NUP153: variants seen among roughly 807,000 people sequenced by gnomAD.
NUP153 encodes nuclear pore complex protein Nup153.
NUP153 carries 27 observed loss-of-function variants against 134.6 expected under a neutral mutation model. That is an observed-to-expected ratio of 0.20 (90% CI 0.15 to 0.28). The LOEUF is 0.28. Among genes scored for constraint, NUP153 ranks in the 10% least tolerant of loss-of-function variants. The probability of loss-of-function intolerance (pLI) is 1.00; values close to 1 mark genes in which losing one functional copy is unlikely to be tolerated. For missense variants in NUP153, 1,821 were observed against 1,731.3 expected (o/e 1.05, Z -0.92); for synonymous variants, 640 against 623.5 (o/e 1.03, Z -0.40).
At position 17,665,656 on chromosome 6, in the gene NUP153, A is replaced by C. The variant is rs4142295; in HGVS notation, c.1069-271T>G. On this transcript the variant is annotated intron_variant, in intron 8 of 21. Transcript: ENST00000262077. ...TTCCAGACTTAATGACTTTTCACAC[A>C]CATGCATGCATACAAAATGGAACTA... 1.1e-4 allele frequency among the ~76,000 whole-genome samples: 16 copies of C among 151,804 alleles called. No individual in the cohort carries two copies. In the South Asian group the frequency reaches 3.3e-3, roughly 32 times the overall value.
In NUP153 at chr6:17,688,551, T is replaced by C. The variant is rs1197280805; in HGVS notation, c.179A>G (p.Asn60Ser). Residue 60 changes from asparagine (N) to serine (S), a missense_variant, in exon 2 of 22, where the codon AAC becomes AGC. Physicochemically the swap from Asn to Ser is conservative, Grantham distance 46. Coordinates refer to ENST00000262077, the MANE Select transcript of NUP153 (RefSeq NM_005124.4). ...ACAGCTGCATACATCTTCATTCTTG[T>C]TGAAGTATCTTTGTAGCCACCCTGG... Reference protein sequence around the residue: ...IVPGWLQRYFNKNEDVCSCST... With the variant: ...IVPGWLQRYFSKNEDVCSCST... 9.9e-6 allele frequency: 16 copies of C among 1,614,044 alleles called. No individual in the cohort carries two copies. The highest frequency in any genetic ancestry group is 8.0e-5 in the African/African-American group (6 of 74,946).
chr6:17,674,790 A>G (rs1253538572), intron 5 of NUP153, 115 bp downstream of exon 5: 26 of 945,670 alleles, frequency 2.7e-5, no homozygotes, highest in Non-Finnish European at 3.8e-5. Context: ...TATAAATAAA[A>G]GAAAAATAAA....
intron 20 of NUP153, among the ~76,000 whole-genome samples, chr6:17,617,861 A>G (rs1358058300): frequency 2.0e-5 from 3 of 152,090 alleles, no homozygotes; most frequent in Admixed American, 6.6e-5. Context: ...AAAAGAAAAA[A>G]AAAGAAAAAA....
intron 17 of NUP153, among the ~76,000 whole-genome samples, chr6:17,632,328 C>A (rs369713141): frequency 7.6e-4 from 75 of 98,676 alleles, no homozygotes; most frequent in Non-Finnish European, 1.7e-3. Flanking sequence ...AACAAAAAAA[C>A]AAACAAACAA....
chr6:17,671,684 TC>T (rs1333321397), intron 5 of NUP153, among the ~76,000 whole-genome samples: 1 of 152,152 alleles, frequency 6.6e-6, no homozygotes, highest in Non-Finnish European at 1.5e-5. Flanking sequence ...ATGCCTATTC[TC>T]CCCAAATTGG....
In NUP153 at chr6:17,632,859, A is replaced by AC; in HGVS notation, c.2465-16_2465-15insG. 2 of 1,540,524 alleles carry AC rather than the reference A, an allele frequency of 1.3e-6. No individual in the cohort carries two copies. The highest frequency in any genetic ancestry group is 1.2e-5 in the South Asian group (1 of 81,212). On this transcript the variant is annotated splice_polypyrimidine_tract_variant and intron_variant, in intron 16 of 21. Transcript: ENST00000262077. ...TACTGAACTTCCTAAAAAAAAAAAAAAAAACGGGGAGTGGGGGGAGATTTC... is the reference window on the plus strand; with the variant it reads ...TACTGAACTTCCTAAAAAAAAAAAAACAAAACGGGGAGTGGGGGGAGATTTC...
At chr6:17,663,026 T>C (rs1767287326) in intron 9 of NUP153, among the ~76,000 whole-genome samples, 1 of 152,138 alleles carries the variant, frequency 6.6e-6, no homozygotes, top group Non-Finnish European at 1.5e-5. Context: ...TTAGGCCAAG[T>C]GACAACATGT....
chr6:17,702,207 G>T (rs1770156500), intron 1 of NUP153, among the ~76,000 whole-genome samples: 1 of 152,170 alleles, frequency 6.6e-6, no homozygotes, highest in African/African-American at 2.4e-5. Context: ...CTCTCAACTA[G>T]AAAAATGACA....
chr6:17,654,418 T>A (rs1315043637), intron 11 of NUP153, among the ~76,000 whole-genome samples: 2 of 152,158 alleles, frequency 1.3e-5, no homozygotes, highest in East Asian at 3.9e-4. Context: ...GCCTTCTGGT[T>A]TCAACCGATT....
chr6:17,635,322 G>A (rs966093338), intron 16 of NUP153, among the ~76,000 whole-genome samples: 14 of 151,928 alleles, frequency 9.2e-5, no homozygotes, highest in African/African-American at 3.4e-4. Flanking sequence ...TGTTAGCCAG[G>A]ATGGTCTCAA....
intron 5 of NUP153, among the ~76,000 whole-genome samples, chr6:17,672,233 G>C (rs539561418): frequency 6.6e-6 from 1 of 151,782 alleles, no homozygotes; most frequent in Non-Finnish European, 1.5e-5. Context: ...TGGGTGGGTC[G>C]GGGGAGGGAT....
At chr6:17,698,864 C>T (rs992073490) in intron 1 of NUP153, among the ~76,000 whole-genome samples, 7 of 149,516 alleles carry the variant, frequency 4.7e-5, no homozygotes, top group Admixed American at 4.0e-4. Flanking sequence ...CAGAGTGACA[C>T]TGTCTTAAAA....
At chr6:17,689,241 GC>G (rs1769131823) in intron 1 of NUP153, among the ~76,000 whole-genome samples, 1 of 148,382 alleles carries the variant, frequency 6.7e-6, no homozygotes, top group African/African-American at 2.6e-5. Context: ...CAAAAAATTA[GC>G]AGGGCATGGT....
chr6:17,669,419 T>TG lies in NUP153; in HGVS notation c.969+10_969+11insC, dbSNP rs1319751442. 1.2e-6 allele frequency: 2 copies of TG among 1,609,482 alleles called. No individual in the cohort carries two copies. The highest frequency in any genetic ancestry group is 8.5e-7 in the Non-Finnish European group (1 of 1,175,770). On this transcript the variant is annotated intron_variant, in intron 6 of 21. Coordinates refer to ENST00000262077, the MANE Select transcript of NUP153 (RefSeq NM_005124.4). ...TACACTCCTGTATTAATCGTGATTTTAAAAATTTACCGCTAAAGGGCTTGA... is the reference window on the plus strand; with the variant it reads ...TACACTCCTGTATTAATCGTGATTTTGAAAAATTTACCGCTAAAGGGCTTGA...
chr6:17,669,231 A>C, intron 7 of NUP153, 62 bp downstream of exon 7: 4 of 1,398,440 alleles, frequency 2.9e-6, no homozygotes, highest in Non-Finnish European at 4.0e-6. Context: ...GGTGTGCACC[A>C]CCACACCCGG....
intron 1 of NUP153, among the ~76,000 whole-genome samples, chr6:17,694,606 A>G (rs1201571672): frequency 6.6e-6 from 1 of 151,788 alleles, no homozygotes; most frequent in Non-Finnish European, 1.5e-5. Context: ...GCAGTGAGCC[A>G]AGATCGCGCC....
In NUP153 at chr6:17,706,877, T is replaced by G. The variant is rs1427909601; in HGVS notation, c.-490A>C. 6.0e-6 allele frequency: 1 copy of G among 166,172 alleles called. No homozygotes were observed. The highest frequency in any genetic ancestry group is 6.2e-5 in the Admixed American group (1 of 16,132). The allele number at this position is 166,172 out of a possible 1,614,324, so 10.3% of individuals were successfully genotyped here. A position where few individuals can be genotyped will look rare whatever the true frequency, so the allele number is the denominator to read the frequency against. The stretch of plus-strand genomic sequence containing the variant: ...TCGTCCCTGCAGCCTCCGCCGCCGT[T>G]GCGCCTATTACCCCTGCTAAGGCGG... On this transcript the variant is annotated 5_prime_UTR_variant, in exon 1 of 22. Coordinates refer to ENST00000262077, the MANE Select transcript of NUP153 (RefSeq NM_005124.4). The surrounding 1 kb of genome is among the most constrained non-coding windows in gnomAD (Gnocchi z 5.9).
chr6:17,705,796 A>G (rs1370786168), intron 1 of NUP153, among the ~76,000 whole-genome samples: 1 of 150,894 alleles, frequency 6.6e-6, no homozygotes, highest in African/African-American at 2.4e-5. Flanking sequence ...AGCGCCCCCC[A>G]CAACTCCCCG....
Position 17,675,767 on chromosome 6 carries a change from G to C in NUP153, c.338C>G (p.Pro113Arg), listed in dbSNP as rs376584046. 11 of 1,612,844 alleles carry C rather than the reference G, an allele frequency of 6.8e-6. No individual in the cohort carries two copies. The African/African-American group carries it at 1.2e-4, about 18-fold the overall frequency. ...PEPAVSNTEEPSTTSTASNYP... is the reference protein window; with the variant it reads ...PEPAVSNTEERSTTSTASNYP... ...ATTTGAAGCAGTACTAGTTGTTGAA[G>C]GTTCTTAAAAGAAAAGCATTAATAT... is the stretch of plus-strand genomic sequence containing the variant. Residue 113 changes from proline (P) to arginine (R), a missense_variant, in exon 3 of 22, where the codon CCT (proline) becomes CGT (arginine). Transcript: ENST00000262077. This position sits in a 1 kb window ranked among gnomAD's most constrained non-coding sequence, Gnocchi z 4.4.
Sources: allele counts gnomAD v4.1 joint callset (sites outside exome capture counted in the v4.1 genomes callset), GRCh38; gene constraint gnomAD v4.1.1; non-coding constraint Gnocchi (gnomAD v3.1); transcripts MANE v1.5; gene names NCBI Gene and HGNC (gene_info 2026-07-23, HGNC 2026-07-21).